Variants in CPAMD8 observed in about 807,000 individuals in gnomAD.
The protein encoded by CPAMD8 is C3 and PZP-like alpha-2-macroglobulin domain-containing protein 8.
Under a neutral mutation model 224.7 loss-of-function variants are expected in CPAMD8, and 146 were observed. The observed-to-expected ratio is 0.65, with a 90% CI of 0.57 to 0.75. CPAMD8 has a LOEUF of 0.75. Among genes scored for constraint, CPAMD8 ranks in the 30% least tolerant of loss-of-function variants. The pLI is 0.00. For synonymous variants in CPAMD8, 966 were observed against 1,044.6 expected (o/e 0.92, Z 1.45); for missense variants, 2,301 against 2,537.5 (o/e 0.91, Z 2.00).
At chr19:17,025,966 G>C (rs551023652) in intron 1 of CPAMD8, among the ~76,000 whole-genome samples, 1 of 152,228 alleles carries the variant, frequency 6.6e-6, no homozygotes, top group African/African-American at 2.4e-5. Context: ...GGCTGGTCTT[G>C]TGCAGACCAG....
rs761113934 is a variant in CPAMD8 at position 16,980,686 on chromosome 19, C to A, written c.1396G>T (p.Val466Phe). The change falls in exon 14 of 42, where the codon GTT becomes TTT. Residue 466 changes from valine (V) to phenylalanine (F), a missense_variant and splice_region_variant. Around this residue, in one of 4 missense-constraint regions of CPAMD8, gnomAD observed 301 missense variants for 406.6 expected, o/e 0.74. Transcript: ENST00000443236. ...ACAGAAAAATAGGCTTCTTCCCCAA[C>A]CTATGGAAGACACGCAGCATGGGGG... ...QLQPPSHPLQ[V>F]GEEAYFSVKS... The A allele has an allele frequency of 2.0e-6, 3 of 1,529,322 alleles. No individual in the cohort carries two copies. The highest frequency in any genetic ancestry group is 2.6e-5 in the South Asian group (2 of 77,744). The allele number at this position is 1,529,322 out of a possible 1,614,324, so 94.7% of individuals were successfully genotyped here. A position where few individuals can be genotyped will look rare whatever the true frequency, so the allele number is the denominator to read the frequency against.
chr19:16,993,442 T>G lies in CPAMD8; in HGVS notation c.1240A>C (p.Thr414Pro). Residue 414 changes from threonine (T) to proline (P), a missense_variant, in exon 12 of 42, where the codon ACG (threonine) becomes CCG (proline). This residue lies in a region of CPAMD8 where 301 missense variants were observed against 406.6 expected (regional missense o/e 0.74). Coordinates refer to ENST00000443236, the MANE Select transcript of CPAMD8 (RefSeq NM_015692.5). The stretch of plus-strand genomic sequence containing the variant: ...TCCAGCCACACGTGCTGGGCTGACG[T>G]GGGGATGGAGGGGATTTCAAACCCC... ...LVGFEIPSIP[T>P]SAQHVWLETK... The G allele has an allele frequency of 1.2e-6, 2 of 1,613,732 alleles. No homozygotes were observed. The highest frequency in any genetic ancestry group is 1.7e-6 in the Non-Finnish European group (2 of 1,179,788).
Position 16,928,991 on chromosome 19 carries a change from C to T in CPAMD8, c.3095G>A (p.Trp1032Ter). The T allele has an allele frequency of 6.2e-7, 1 of 1,613,966 alleles. No individual in the cohort carries two copies. Among genetic ancestry groups the T allele is most frequent in the Non-Finnish European group, 8.5e-7 (1 of 1,179,938 alleles). The part of the protein sequence containing the change: ...ASAHTAKILS[W>*]DEFRTFWISW... Reference sequence around the variant, plus strand: ...GATCCAGAATGTTCTGAATTCATCCCAGGAGAGGATCTTGGCCGTGTGTGC... The same window carrying T: ...GATCCAGAATGTTCTGAATTCATCCTAGGAGAGGATCTTGGCCGTGTGTGC... Residue 1032 changes from tryptophan (W) to a stop codon, truncating the protein, a stop_gained, in exon 24 of 42, where the codon TGG becomes TAG. Transcript: ENST00000443236. LOFTEE classifies it high-confidence loss of function.
At chr19:16,936,549 C>A (rs889800291) in intron 23 of CPAMD8, among the ~76,000 whole-genome samples, 2 of 151,994 alleles carry the variant, frequency 1.3e-5, no homozygotes, top group African/African-American at 2.4e-5. Flanking sequence ...ACCACAGGCA[C>A]CTGCCACCAT....
At chr19:16,904,387 G>A (rs780316067) in intron 31 of CPAMD8, 25 bp from the exon 32 acceptor site, 10 of 1,614,056 alleles carry the variant, frequency 6.2e-6, no homozygotes, top group Non-Finnish European at 5.9e-6. Context: ...GCCCACTGGG[G>A]ACTTTTGACA....
chr19:16,947,059 C>G lies in CPAMD8; in HGVS notation c.2662+15G>C. 1.3e-6 allele frequency: 2 copies of G among 1,587,280 alleles called. No individual in the cohort carries two copies. Among genetic ancestry groups the G allele is most frequent in the Non-Finnish European group, 1.7e-6 (2 of 1,165,170 alleles). On this transcript the variant is annotated intron_variant, in intron 21 of 41. Transcript: ENST00000443236. ...CTGGAGAGGGGGGACACCCCAAGAA[C>G]TGTGGGGTCCTCACCCGTGATGTTG...
intron 6 of CPAMD8, 182 bp downstream of exon 6, chr19:17,009,121 C>G: frequency 1.2e-6 from 1 of 837,402 alleles, no homozygotes. Context: ...AACGGACAGA[C>G]ACACACACAG....
At chr19:16,904,870 T>C (rs918998403) in intron 30 of CPAMD8, among the ~76,000 whole-genome samples, 2 of 152,150 alleles carry the variant, frequency 1.3e-5, no homozygotes, top group Non-Finnish European at 2.9e-5. Flanking sequence ...GTCAATAGCC[T>C]CCCTCCTGAC....
At chr19:16,904,404 C>T (rs2052387385) in intron 31 of CPAMD8, 42 bp from the exon 32 acceptor site, 1 of 1,613,772 alleles carries the variant, frequency 6.2e-7, no homozygotes, top group African/African-American at 1.3e-5. Flanking sequence ...GACACAGGGA[C>T]ATGGACCCAG....
intron 3 of CPAMD8, among the ~76,000 whole-genome samples, chr19:17,017,965 G>T (rs753485893): frequency 6.6e-6 from 1 of 151,756 alleles, no homozygotes; most frequent in Non-Finnish European, 1.5e-5. Flanking sequence ...CCCAGGAAGC[G>T]GAGGTTGCAG....
At position 16,929,814 on chromosome 19, in the gene CPAMD8, A is replaced by T. The variant is rs546838998; in HGVS notation, c.2846-574T>A. ...TGAAGAGAGAAACAAAAGAAAACCCAAATCAACAAAAGCTAGACCATGTTC... is the reference window on the plus strand; with the variant it reads ...TGAAGAGAGAAACAAAAGAAAACCCTAATCAACAAAAGCTAGACCATGTTC... On this transcript the variant is annotated intron_variant, in intron 23 of 41. Coordinates refer to ENST00000443236, the MANE Select transcript of CPAMD8 (RefSeq NM_015692.5). 2.6e-5 allele frequency among the ~76,000 whole-genome samples: 4 copies of T among 152,332 alleles called. No individual in the cohort carries two copies. The South Asian group carries it at 8.3e-4, about 32-fold the overall frequency.
Position 16,976,032 on chromosome 19 carries a change from G to C in CPAMD8, c.1878C>G (p.Leu626=), listed in dbSNP as rs1364016742. The C allele has an allele frequency of 6.2e-7, 1 of 1,606,584 alleles. No homozygotes were observed. The highest frequency in any genetic ancestry group is 1.1e-5 in the South Asian group (1 of 90,342). The change falls in exon 16 of 42, where the codon CTC becomes CTG. Residue 626 remains leucine (L), a synonymous_variant. Coordinates refer to ENST00000443236, the MANE Select transcript of CPAMD8 (RefSeq NM_015692.5). ...CAGGAGTCAGCCGGAACCCAGACCT[G>C]AGCAGGTAGACACTCTTATCAACTG... The part of the protein sequence containing the change: ...VAAVDKSVYL[L]RSGFRLTPAQ...
At chr19:16,984,282 T>C (rs1196145337) in intron 13 of CPAMD8, among the ~76,000 whole-genome samples, 1 of 132,650 alleles carries the variant, frequency 7.5e-6, no homozygotes, top group Non-Finnish European at 1.5e-5. Flanking sequence ...CTACTGCACC[T>C]CAGCCTGGGT....
intron 18 of CPAMD8, among the ~76,000 whole-genome samples, chr19:16,961,067 C>T (rs1442605921): frequency 6.6e-6 from 1 of 151,862 alleles, no homozygotes; most frequent in African/African-American, 2.4e-5. Flanking sequence ...CAAATAGGAA[C>T]AGCTCCAGTC....
At chr19:16,947,826 C>T (rs2054156695) in intron 20 of CPAMD8, among the ~76,000 whole-genome samples, 1 of 152,088 alleles carries the variant, frequency 6.6e-6, no homozygotes, top group African/African-American at 2.4e-5. Context: ...TGTGGATATG[C>T]ATTCGTGTGT....
chr19:16,960,201 TCTC>T (rs1286814474), intron 18 of CPAMD8, among the ~76,000 whole-genome samples: 1 of 146,456 alleles, frequency 6.8e-6, no homozygotes, highest in Non-Finnish European at 1.5e-5. Context: ...GGCTGCTCCT[TCTC>T]CTTTCTCAAA....
In CPAMD8 at chr19:16,947,196, AT is replaced by A; in HGVS notation, c.2539del (p.Ile847SerfsTer12). 1 of 1,613,656 alleles carries A rather than the reference AT, an allele frequency of 6.2e-7. No homozygotes were observed. The highest frequency in any genetic ancestry group is 8.5e-7 in the Non-Finnish European group (1 of 1,179,764). On this transcript the variant is annotated frameshift_variant, in exon 21 of 42. Coordinates refer to ENST00000443236, the MANE Select transcript of CPAMD8 (RefSeq NM_015692.5). LOFTEE classifies it high-confidence loss of function. ...VYMKLSVPKG[I>X]QFVGHPGKRH... ...TTTGCCAGGATGCCCAACAAACTGG[AT>A]GCCCTTGGGAACCGAGAGCTTCATG... is the stretch of plus-strand genomic sequence containing the variant.
In CPAMD8 at chr19:16,898,039, C is replaced by T. The variant is rs1478132302; in HGVS notation, c.4849-45G>A. On this transcript the variant is annotated intron_variant, in intron 37 of 41. Coordinates refer to ENST00000443236, the MANE Select transcript of CPAMD8 (RefSeq NM_015692.5). This position sits in a 1 kb window ranked among gnomAD's most constrained non-coding sequence, Gnocchi z 4.2. ...GCAGGCTCGACCCGGGCCAGGAGGC[C>T]CGGGGCGCTGAGCTCAGGCCCAGAA... 1 of 1,466,068 alleles carries T rather than the reference C, an allele frequency of 6.8e-7. No individual in the cohort carries two copies. Among genetic ancestry groups the T allele is most frequent in the Non-Finnish European group, 9.3e-7 (1 of 1,074,838 alleles). The allele number at this position is 1,466,068 out of a possible 1,614,324, so 90.8% of individuals were successfully genotyped here. A position where few individuals can be genotyped will look rare whatever the true frequency, so the allele number is the denominator to read the frequency against.
chr19:17,000,651 G>A, intron 9 of CPAMD8, 129 bp from the exon 10 acceptor site: 1 of 576,380 alleles, frequency 1.7e-6, no homozygotes, highest in South Asian at 2.2e-5. Flanking sequence ...TCCACACCCT[G>A]CATCCTGTCC....
Sources: allele counts gnomAD v4.1 joint callset (sites outside exome capture counted in the v4.1 genomes callset), GRCh38; gene constraint gnomAD v4.1.1; regional missense constraint gnomAD v4.1.1; non-coding constraint Gnocchi (gnomAD v3.1); transcripts MANE v1.5; gene names NCBI Gene and HGNC (gene_info 2026-07-23, HGNC 2026-07-21).